Variants in CATSPERG observed in about 807,000 individuals in gnomAD.
The protein encoded by CATSPERG is catsper channel auxiliary subunit gamma, also known as cation channel sperm-associated auxiliary subunit gamma.
CATSPERG carries 115 observed loss-of-function variants against 145.0 expected under a neutral mutation model. That is an observed-to-expected ratio of 0.79 (90% CI 0.68 to 0.93). CATSPERG has a LOEUF of 0.93. Among genes scored for constraint, CATSPERG ranks in the 40% least tolerant of loss-of-function variants. The probability of loss-of-function intolerance (pLI) is 0.00; values close to 1 mark genes in which losing one functional copy is unlikely to be tolerated. For synonymous variants in CATSPERG, 588 were observed against 589.0 expected (o/e 1.00, Z 0.02); for missense variants, 1,296 against 1,490.1 (o/e 0.87, Z 2.14).
At chr19:38,365,150 G>A in intron 22 of CATSPERG, 33 bp downstream of exon 22, 2 of 1,595,980 alleles carry the variant, frequency 1.3e-6, no homozygotes, top group Non-Finnish European at 1.7e-6. Flanking sequence ...GCCCTGGGAG[G>A]GGAAGGTTGG....
chr19:38,368,774 T>A (rs970394027), intron 26 of CATSPERG, among the ~76,000 whole-genome samples: 3 of 152,164 alleles, frequency 2.0e-5, no homozygotes, highest in Non-Finnish European at 4.4e-5. Flanking sequence ...GCAATTCTCC[T>A]GCCTCAGCCT....
intron 26 of CATSPERG, among the ~76,000 whole-genome samples, chr19:38,368,451 GCGTCCCCAT>G (rs544541729): frequency 5.4e-4 from 83 of 152,318 alleles, no homozygotes; most frequent in African/African-American, 1.8e-3. Context: ...CCCTACCTGT[GCGTCCCCAT>G]CCCAGAGTGG....
intron 7 of CATSPERG, 145 bp downstream of exon 7, chr19:38,346,750 A>T (rs547125705): frequency 1.4e-6 from 1 of 711,204 alleles, no homozygotes; most frequent in Non-Finnish European, 2.1e-6. Flanking sequence ...AAGAAAAAAC[A>T]CAAGATTCTA....
At chr19:38,357,352 TAAA>T (rs71165536) in intron 11 of CATSPERG, among the ~76,000 whole-genome samples, 32 of 115,416 alleles carry the variant, frequency 2.8e-4, no homozygotes, top group Admixed American at 4.5e-4. Context: ...CTCTACAAAT[TAAA>T]AAAAAAAAAA....
intron 14 of CATSPERG, 120 bp downstream of exon 14, chr19:38,359,701 A>G (rs1315872058): frequency 1.4e-6 from 2 of 1,439,148 alleles, no homozygotes; most frequent in Admixed American, 2.5e-5. Context: ...GGACCCTGAG[A>G]AAGGGCAGTG....
Position 38,346,499 on chromosome 19 carries a change from T to C in CATSPERG, c.719T>C (p.Leu240Ser). The C allele has an allele frequency of 6.4e-7, 1 of 1,551,218 alleles. No individual in the cohort carries two copies. ...TTTGTGGGTGTCTCATCGAGGCCCT[T>C]GTGGCACACTGTGGACCAGTCACCT... ...QYFVGVSSRP[L>S]WHTVDQSPVL... Residue 240 changes from leucine (L) to serine (S), a missense_variant, in exon 7 of 29, where the codon TTG (leucine) becomes TCG (serine). Coordinates refer to ENST00000409235, the MANE Select transcript of CATSPERG (RefSeq NM_021185.5).
chr19:38,367,804 TCCAC>T, intron 25 of CATSPERG, 28 bp downstream of exon 25: 1 of 1,600,010 alleles, frequency 6.2e-7, no homozygotes, highest in African/African-American at 1.3e-5. Flanking sequence ...CCACGTGTAA[TCCAC>T]CTTGCTTCCC....
intron 9 of CATSPERG, among the ~76,000 whole-genome samples, chr19:38,355,665 C>T (rs1200943686): frequency 6.6e-6 from 1 of 152,232 alleles, no homozygotes; most frequent in South Asian, 2.1e-4. Context: ...CCACTGCACT[C>T]CAGCCTGGGC....
intron 14 of CATSPERG, chr19:38,359,984 G>A: frequency 9.6e-7 from 1 of 1,042,304 alleles, no homozygotes. Flanking sequence ...GGGCTTCATG[G>A]GGGAGACCAC....
chr19:38,358,592 G>A (rs765243414), intron 13 of CATSPERG, 31 bp downstream of exon 13: 21 of 1,613,452 alleles, frequency 1.3e-5, no homozygotes, highest in Non-Finnish European at 1.8e-5. Flanking sequence ...GGTGGGCCAG[G>A]CATACTCTGT....
At chr19:38,363,861 C>A (rs1261748680) in intron 20 of CATSPERG, among the ~76,000 whole-genome samples, 1 of 152,248 alleles carries the variant, frequency 6.6e-6, no homozygotes, top group Non-Finnish European at 1.5e-5. Context: ...CCCATGTCTA[C>A]TTCTTTCTAC....
chr19:38,351,861 A>G (rs1210431757), intron 7 of CATSPERG, among the ~76,000 whole-genome samples: 2 of 151,680 alleles, frequency 1.3e-5, no homozygotes, highest in Non-Finnish European at 2.9e-5. Flanking sequence ...GCAGTGAGCT[A>G]TGATCATACC....
chr19:38,370,621 G>A lies in CATSPERG; in HGVS notation c.3309G>A (p.Trp1103Ter), dbSNP rs773114654. The A allele has an allele frequency of 6.2e-7, 1 of 1,614,150 alleles. No individual in the cohort carries two copies. Among genetic ancestry groups the A allele is most frequent in the Non-Finnish European group, 8.5e-7 (1 of 1,180,034 alleles). Residue 1103 changes from tryptophan to a stop codon, truncating the protein, a stop_gained, in exon 29 of 29, where the codon TGG becomes TGA. Coordinates refer to ENST00000409235, the MANE Select transcript of CATSPERG (RefSeq NM_021185.5). LOFTEE classifies it low-confidence loss of function (END_TRUNC). ...LVVKGCTMIR[W>*]KINNLIASES... The stretch of plus-strand genomic sequence containing the variant: ...TGAAGGGCTGCACGATGATCCGGTG[G>A]AAGATAAACAACCTCATTGCCTCAG...
chr19:38,368,179 T>C lies in CATSPERG; in HGVS notation c.3020+42T>C, dbSNP rs780935801. ...GCCCCTCTTGGCCCCCATCTGTCGG[T>C]AGTCCATTGGGCCCACCTATCCTTT... On this transcript the variant is annotated intron_variant, in intron 26 of 28. Coordinates refer to ENST00000409235, the MANE Select transcript of CATSPERG (RefSeq NM_021185.5). 3.2e-6 allele frequency: 5 copies of C among 1,557,988 alleles called. No individual in the cohort carries two copies. In the African/African-American group the frequency reaches 6.8e-5, roughly 21 times the overall value.
chr19:38,364,921 G>A lies in CATSPERG; in HGVS notation c.2506G>A (p.Asp836Asn). 6.2e-7 allele frequency: 1 copy of A among 1,614,058 alleles called. No homozygotes were observed. The highest frequency in any genetic ancestry group is 8.5e-7 in the Non-Finnish European group (1 of 1,179,952). ...ITLKDKKLCY[D>N]QGISGHHLME... ...GCTCAAGGATAAAAAGCTTTGCTATGACCAAGGCATTAGTGGACATCACCT... is the reference window on the plus strand; with the variant it reads ...GCTCAAGGATAAAAAGCTTTGCTATAACCAAGGCATTAGTGGACATCACCT... Residue 836 changes from aspartate (D) to asparagine (N), a missense_variant, in exon 21 of 29, where the codon GAC becomes AAC. Asp to Asn is a conservative substitution (Grantham distance 23). Transcript: ENST00000409235.
In CATSPERG at chr19:38,361,772, G is replaced by C. The variant is rs1472887628; in HGVS notation, c.2005G>C (p.Glu669Gln). The C allele has an allele frequency of 6.2e-7, 1 of 1,613,058 alleles. No homozygotes were observed. The highest frequency in any genetic ancestry group is 8.5e-7 in the Non-Finnish European group (1 of 1,179,676). Residue 669 changes from glutamate (E) to glutamine (Q), a missense_variant, in exon 17 of 29, where the codon GAG becomes CAG. Coordinates refer to ENST00000409235, the MANE Select transcript of CATSPERG (RefSeq NM_021185.5). ...CCGGGCGCGGCCGCCGCGCGTCCTG[G>C]AGCGCTCGGGCTTCCACAACGAGAA... ...RYRARPPRVLERSGFHNENSL... is the reference protein window; with the variant it reads ...RYRARPPRVLQRSGFHNENSL...
At position 38,356,547 on chromosome 19, in the gene CATSPERG, C is replaced by G. The variant is rs370849392; in HGVS notation, c.1195+4C>G. On this transcript the variant is annotated splice_donor_region_variant and intron_variant, in intron 10 of 28. Coordinates refer to ENST00000409235, the MANE Select transcript of CATSPERG (RefSeq NM_021185.5). The stretch of plus-strand genomic sequence containing the variant: ...TCTGTGTGCGAGCAGATAGGAGGTA[C>G]TCATTACCCCGATGGGTCTGCGGTG... The G allele has an allele frequency of 1.9e-6, 3 of 1,613,540 alleles. No individual in the cohort carries two copies. Among genetic ancestry groups the G allele is most frequent in the South Asian group, 1.1e-5 (1 of 91,054 alleles).
intron 7 of CATSPERG, among the ~76,000 whole-genome samples, chr19:38,350,341 C>A (rs1470578535): frequency 6.6e-6 from 1 of 152,130 alleles, no homozygotes; most frequent in Non-Finnish European, 1.5e-5. Flanking sequence ...CGGGGTTTCT[C>A]GCCTCATCTC....
rs1555738825 is a variant in CATSPERG, at chr19:38,364,989, A to G, written c.2556+18A>G. On this transcript the variant is annotated intron_variant, in intron 21 of 28. Coordinates refer to ENST00000409235, the MANE Select transcript of CATSPERG (RefSeq NM_021185.5). The stretch of plus-strand genomic sequence containing the variant: ...CGGTCAATGTGAGGTCCAAGCCTGG[A>G]GGGGAGGGTGCAGGATGGTGGGAAA... 1.2e-5 allele frequency: 19 copies of G among 1,613,628 alleles called. No homozygotes were observed. The highest frequency in any genetic ancestry group is 1.6e-5 in the Non-Finnish European group (19 of 1,179,536).
Sources: gnomAD v4.1 joint callset for allele counts (sites outside exome capture counted in the v4.1 genomes callset) on GRCh38, gnomAD v4.1.1 for gene constraint, MANE v1.5 for transcripts, NCBI Gene and HGNC (gene_info 2026-07-23, HGNC 2026-07-21) for gene names.